The following HNRNPC variants were observed in gnomAD, a reference collection of about 807,000 sequenced individuals.
The protein encoded by HNRNPC is heterogeneous nuclear ribonucleoproteins C1/C2.
A neutral mutation model predicts 33.2 loss-of-function variants in HNRNPC; 3 were observed. The observed-to-expected ratio is 0.09, with a 90% CI of 0.04 to 0.23. HNRNPC has a LOEUF of 0.23. Among genes scored for constraint, HNRNPC ranks in the 10% least tolerant of loss-of-function variants. The probability of loss-of-function intolerance (pLI) is 1.00; values close to 1 mark genes in which losing one functional copy is unlikely to be tolerated. For synonymous variants in HNRNPC, 121 were observed against 126.7 expected (o/e 0.96, Z 0.30); for missense variants, 143 against 366.7 (o/e 0.39, Z 4.98).
chr14:21,243,193 ATTGT>A (rs1279465233), intron 2 of HNRNPC, among the ~76,000 whole-genome samples: 1 of 152,188 alleles, frequency 6.6e-6, no homozygotes, highest in African/African-American at 2.4e-5. Context: ...TTTACTATCA[ATTGT>A]TTAATTACTG....
intron 2 of HNRNPC, among the ~76,000 whole-genome samples, chr14:21,236,129 G>C (rs1490987074): frequency 6.6e-6 from 1 of 151,992 alleles, no homozygotes; most frequent in African/African-American, 2.4e-5. Context: ...ATACCCCACG[G>C]CATTTTTCAT....
intron 3 of HNRNPC, among the ~76,000 whole-genome samples, chr14:21,231,692 A>C (rs1594246714): frequency 6.6e-6 from 1 of 152,032 alleles, no homozygotes; most frequent in South Asian, 2.1e-4. Flanking sequence ...TTTACCATTC[A>C]AGTGTTCCTG....
At chr14:21,231,582 G>A (rs909159084) in intron 3 of HNRNPC, among the ~76,000 whole-genome samples, 1 of 152,182 alleles carries the variant, frequency 6.6e-6, no homozygotes, top group African/African-American at 2.4e-5. Flanking sequence ...TCACAGGTGT[G>A]AGCTATCAAG....
chr14:21,239,683 G>A (rs547536479), intron 2 of HNRNPC, among the ~76,000 whole-genome samples: 228 of 152,240 alleles, frequency 1.5e-3, no homozygotes, highest in African/African-American at 5.1e-3. Context: ...AGACCAGCCT[G>A]GGCAACATGG....
rs1047563733 is a variant in HNRNPC, at chr14:21,234,196, T to C, written c.-3A>G. On this transcript the variant is annotated 5_prime_UTR_variant, in exon 3 of 9. Coordinates refer to ENST00000553300, the MANE Select transcript of HNRNPC (RefSeq NM_004500.4). Reference sequence around the variant, plus strand: ...TTGTTGGTAACGTTGCTGGCCATCGTGTTTGATGGTAAGGTTTCTCACAAA... The same window carrying C: ...TTGTTGGTAACGTTGCTGGCCATCGCGTTTGATGGTAAGGTTTCTCACAAA... 4.3e-6 allele frequency: 7 copies of C among 1,613,348 alleles called. No homozygotes were observed. The highest frequency in any genetic ancestry group is 5.9e-6 in the Non-Finnish European group (7 of 1,179,430).
At chr14:21,254,855 G>C (rs1876875747) in intron 2 of HNRNPC, among the ~76,000 whole-genome samples, 1 of 150,844 alleles carries the variant, frequency 6.6e-6, no homozygotes, top group Non-Finnish European at 1.5e-5. Flanking sequence ...GCGGTAGGCG[G>C]AGGTTGCGGT....
chr14:21,213,096 A>C lies in HNRNPC; in HGVS notation c.387T>G (p.Arg129=). 1 of 1,614,150 alleles carries C rather than the reference A, an allele frequency of 6.2e-7. No homozygotes were observed. The highest frequency in any genetic ancestry group is 8.5e-7 in the Non-Finnish European group (1 of 1,180,002). The change falls in exon 6 of 9, where the codon CGT becomes CGG. Residue 129 remains arginine, a synonymous_variant. Coordinates refer to ENST00000553300, the MANE Select transcript of HNRNPC (RefSeq NM_004500.4). ...GAGCAATAGGAGGAGGAGGAGGTAC[A>C]CGTGCTGGGTAACTGTACATCCTAT... ...YYDRMYSYPA[R]VPPPPPIARA...
chr14:21,225,922 G>A (rs567068114), intron 5 of HNRNPC, among the ~76,000 whole-genome samples: 2 of 152,162 alleles, frequency 1.3e-5, no homozygotes, highest in South Asian at 4.2e-4. Flanking sequence ...TTTATATCTA[G>A]ATATAGTTTT....
chr14:21,217,876 C>T (rs1455187211), intron 5 of HNRNPC, among the ~76,000 whole-genome samples: 1 of 152,140 alleles, frequency 6.6e-6, no homozygotes, highest in Non-Finnish European at 1.5e-5. Context: ...CATTAGGAAA[C>T]TATCTTAACA....
At chr14:21,238,705 G>C (rs1895010260) in intron 2 of HNRNPC, among the ~76,000 whole-genome samples, 1 of 152,026 alleles carries the variant, frequency 6.6e-6, no homozygotes, top group South Asian at 2.1e-4. Flanking sequence ...AAGGGGTCTA[G>C]AATTTTTCTT....
rs1190723147 is a variant in HNRNPC, at chr14:21,209,249, G to C, written c.*1974C>G. On this transcript the variant is annotated 3_prime_UTR_variant, in exon 9 of 9. Coordinates refer to ENST00000553300, the MANE Select transcript of HNRNPC (RefSeq NM_004500.4). ...CTATGCCATTTTATGTAAGGGACTT[G>C]AACATCTGCAGATTGTGGTGTTCAC... 1 of 152,150 alleles carries C rather than the reference G, an allele frequency of 6.6e-6. No homozygotes were observed. The highest frequency in any genetic ancestry group is 1.9e-4 in the East Asian group (1 of 5,196). 9.4% of individuals were successfully genotyped at this position (152,150 alleles called of 1,614,324 possible). A position where few individuals can be genotyped will look rare whatever the true frequency, so the allele number is the denominator to read the frequency against.
intron 2 of HNRNPC, among the ~76,000 whole-genome samples, chr14:21,241,975 TAATTC>T (rs1895399014): frequency 6.6e-6 from 1 of 152,166 alleles, no homozygotes; most frequent in African/African-American, 2.4e-5. Context: ...GGAAAATGAA[TAATTC>T]AATACATGGT....
chr14:21,213,145 A>C, intron 5 of HNRNPC, 28 bp from the exon 6 acceptor site: 1 of 1,609,276 alleles, frequency 6.2e-7, no homozygotes, highest in East Asian at 2.2e-5. Context: ...AATGGAATTC[A>C]TTCAAACCTA....
intron 3 of HNRNPC, among the ~76,000 whole-genome samples, chr14:21,233,424 C>T (rs1231544659): frequency 6.6e-6 from 1 of 152,102 alleles, no homozygotes; most frequent in Admixed American, 6.5e-5. Context: ...ACAAGGTACA[C>T]ATAAAATGAG....
intron 3 of HNRNPC, 112 bp from the exon 4 acceptor site, chr14:21,231,184 G>C: frequency 9.8e-7 from 1 of 1,019,776 alleles, no homozygotes; most frequent in Non-Finnish European, 1.5e-6. Flanking sequence ...GCTCAGGCTG[G>C]AGTGCAGTGG....
intron 5 of HNRNPC, 49 bp from the exon 6 acceptor site, chr14:21,213,166 A>G (rs1239556355): frequency 1.2e-5 from 18 of 1,562,964 alleles, no homozygotes; most frequent in Non-Finnish European, 1.6e-5. Flanking sequence ...ACATTAACTC[A>G]GCACAATTCA....
intron 2 of HNRNPC, among the ~76,000 whole-genome samples, chr14:21,239,153 T>G (rs561081669): frequency 6.6e-6 from 1 of 152,154 alleles, no homozygotes; most frequent in African/African-American, 2.4e-5. Context: ...GTTCAAATAT[T>G]CCAGCCTCCA....
intron 5 of HNRNPC, among the ~76,000 whole-genome samples, chr14:21,225,593 C>T (rs1186233211): frequency 6.6e-6 from 1 of 152,084 alleles, no homozygotes; most frequent in Non-Finnish European, 1.5e-5. Context: ...CCTTTTGAGG[C>T]TGGTAGCACC....
intron 2 of HNRNPC, among the ~76,000 whole-genome samples, chr14:21,249,766 G>GGGTGT (rs1170871115): frequency 6.6e-6 from 1 of 151,900 alleles, no homozygotes; most frequent in Non-Finnish European, 1.5e-5. Context: ...AGTGTTTCGG[G>GGGTGT]GGTGTTACGA....
Sources: gnomAD v4.1 joint callset for allele counts (sites outside exome capture counted in the v4.1 genomes callset) on GRCh38, gnomAD v4.1.1 for gene constraint, MANE v1.5 for transcripts, NCBI Gene and HGNC (gene_info 2026-07-23, HGNC 2026-07-21) for gene names.